The following VOPP1 variants were observed in gnomAD, a reference collection of about 807,000 sequenced individuals.
The protein encoded by VOPP1 is VOPP1 WW domain binding protein, also known as WW domain binding protein VOPP1.
In VOPP1, 8 loss-of-function variants were observed where a neutral mutation model predicts 23.5. That is an observed-to-expected ratio of 0.34 (90% CI 0.20 to 0.61). VOPP1 has a LOEUF of 0.61. Ranked by LOEUF, VOPP1 falls within the 20% of genes least tolerant of loss-of-function variation. The probability of loss-of-function intolerance (pLI) is 0.78; values close to 1 mark genes in which losing one functional copy is unlikely to be tolerated. For synonymous variants in VOPP1, 83 were observed against 97.3 expected (o/e 0.85, Z 0.86); for missense variants, 174 against 238.1 (o/e 0.73, Z 1.77).
intron 1 of VOPP1, among the ~76,000 whole-genome samples, chr7:55,570,524 G>T (rs1007412750): frequency 6.6e-6 from 1 of 152,156 alleles, no homozygotes; most frequent in East Asian, 1.9e-4. Flanking sequence ...GGAAAGAATG[G>T]AGTCACTGAG....
At chr7:55,528,518 GTAC>G (rs996619024) in intron 1 of VOPP1, among the ~76,000 whole-genome samples, 6 of 152,068 alleles carry the variant, frequency 3.9e-5, no homozygotes, top group African/African-American at 1.2e-4. Context: ...AACCCCATCT[GTAC>G]TAAAAATACA....
intron 2 of VOPP1, among the ~76,000 whole-genome samples, chr7:55,503,123 G>A (rs748303932): frequency 9.2e-5 from 14 of 152,178 alleles, no homozygotes; most frequent in Non-Finnish European, 1.6e-4. Context: ...TCAGAGAATG[G>A]GTAGTCCACT....
At chr7:55,561,786 G>T in intron 1 of VOPP1, 9 of 484,030 alleles carry the variant, frequency 1.9e-5, no homozygotes, top group East Asian at 7.1e-5. Context: ...TACAGTATCT[G>T]AGCTCAGAGC....
Position 55,527,499 on chromosome 7 carries a change from A to T in VOPP1, c.55-6369T>A, listed in dbSNP as rs1400885801. 2.6e-5 allele frequency among the ~76,000 whole-genome samples: 4 copies of T among 152,200 alleles called. No individual in the cohort carries two copies. The East Asian group carries it at 7.7e-4, about 29-fold the overall frequency. On this transcript the variant is annotated intron_variant, in intron 1 of 4. Transcript: ENST00000285279. ...GGCTGTAAACCTTAAACGAAGCCCAACCACAGATCCCCAGGGAAATTCTGT... is the reference window on the plus strand; with the variant it reads ...GGCTGTAAACCTTAAACGAAGCCCATCCACAGATCCCCAGGGAAATTCTGT...
chr7:55,472,930 A>G lies in VOPP1; in HGVS notation c.444T>C (p.Ser148=), dbSNP rs1433098387. The change falls in exon 5 of 5, where the codon AGT becomes AGC. Residue 148 remains serine, a synonymous_variant. Transcript: ENST00000285279. ...FQVPPNSPQG[S]VACPPPPAYC... is the part of the protein sequence containing the mutation. ...AGGCTGGAGGGGGCGGGCAGGCCACACTCCCCTGGGGTGAGTTGGGTGGGA... is the reference window on the plus strand; with the variant it reads ...AGGCTGGAGGGGGCGGGCAGGCCACGCTCCCCTGGGGTGAGTTGGGTGGGA... The G allele has an allele frequency of 6.4e-7, 1 of 1,554,636 alleles. No homozygotes were observed. The highest frequency in any genetic ancestry group is 1.4e-5 in the African/African-American group (1 of 70,680).
At chr7:55,549,846 T>A (rs1394792831) in intron 1 of VOPP1, among the ~76,000 whole-genome samples, 1 of 152,206 alleles carries the variant, frequency 6.6e-6, no homozygotes, top group African/African-American at 2.4e-5. Flanking sequence ...TCTCACATAT[T>A]AAAATGCCAT....
intron 2 of VOPP1, among the ~76,000 whole-genome samples, chr7:55,505,705 A>AGGGAG (rs1794680056): frequency 7.2e-6 from 1 of 139,708 alleles, no homozygotes; most frequent in African/African-American, 2.9e-5. Flanking sequence ...GAGGGAGGGA[A>AGGGAG]GGAACTTGTA....
At chr7:55,445,889 A>C (rs996901216) in intron 4 of VOPP1, among the ~76,000 whole-genome samples, 7 of 152,166 alleles carry the variant, frequency 4.6e-5, no homozygotes, top group African/African-American at 1.7e-4. Context: ...CAGTGTTCAC[A>C]TGTAGCTAGT....
At chr7:55,557,660 A>G (rs1168754084) in intron 1 of VOPP1, among the ~76,000 whole-genome samples, 1 of 152,214 alleles carries the variant, frequency 6.6e-6, no homozygotes, top group Non-Finnish European at 1.5e-5. Context: ...GGAAGGGGCC[A>G]AGTAACTCTG....
downstream of VOPP1, among the ~76,000 whole-genome samples, chr7:55,435,297 A>C (rs1322510147): frequency 2.0e-5 from 3 of 152,204 alleles, no homozygotes. Context: ...GTGAAGTTTC[A>C]GGCTGGGGGG....
At chr7:55,560,103 A>C (rs1797936835) in intron 1 of VOPP1, among the ~76,000 whole-genome samples, 2 of 152,244 alleles carry the variant, frequency 1.3e-5, no homozygotes, top group African/African-American at 4.8e-5. Flanking sequence ...TAGTGAGCCA[A>C]GATCATGCCA....
intron 1 of VOPP1, among the ~76,000 whole-genome samples, chr7:55,525,783 CCTCT>C: frequency 3.8e-5 from 1 of 26,436 alleles, no homozygotes; most frequent in East Asian, 1.3e-3. Flanking sequence ...AAGGAAAAAA[CCTCT>C]CTAAAAAAAA....
At chr7:55,514,651 T>G (rs1360475192) in intron 2 of VOPP1, among the ~76,000 whole-genome samples, 2 of 152,026 alleles carry the variant, frequency 1.3e-5, no homozygotes, top group African/African-American at 4.8e-5. Flanking sequence ...TCAGCAACAG[T>G]AAGTCCAGGG....
At chr7:55,569,207 G>A (rs971432421) in intron 1 of VOPP1, among the ~76,000 whole-genome samples, 1 of 152,164 alleles carries the variant, frequency 6.6e-6, no homozygotes, top group African/African-American at 2.4e-5. Flanking sequence ...GTCAGCTGCT[G>A]CCGGTTCCTC....
At chr7:55,527,769 G>A (rs1796273756) in intron 1 of VOPP1, among the ~76,000 whole-genome samples, 1 of 151,878 alleles carries the variant, frequency 6.6e-6, no homozygotes, top group Non-Finnish European at 1.5e-5. Flanking sequence ...ATTCCAACAG[G>A]AAAAATAAAG....
intron 2 of VOPP1, among the ~76,000 whole-genome samples, chr7:55,520,119 T>C (rs1472649476): frequency 6.6e-6 from 1 of 152,044 alleles, no homozygotes; most frequent in East Asian, 1.9e-4. Context: ...ACAGCAGGAC[T>C]CCACCTCAAA....
chr7:55,566,331 C>T (rs918547929), intron 1 of VOPP1, among the ~76,000 whole-genome samples: 13 of 152,032 alleles, frequency 8.6e-5, no homozygotes, highest in African/African-American at 3.1e-4. Flanking sequence ...CCAAAATGGA[C>T]TCATCATTCT....
At chr7:55,562,398 A>C (rs1201043266) in intron 1 of VOPP1, among the ~76,000 whole-genome samples, 1 of 152,206 alleles carries the variant, frequency 6.6e-6, no homozygotes, top group Non-Finnish European at 1.5e-5. Context: ...GTCCAGAACT[A>C]AAAAACTCTC....
At chr7:55,518,046 C>T (rs1459660744) in intron 2 of VOPP1, among the ~76,000 whole-genome samples, 1 of 152,182 alleles carries the variant, frequency 6.6e-6, no homozygotes, top group Non-Finnish European at 1.5e-5. Flanking sequence ...GTCTATAGCA[C>T]TAATCTCATG....
Sources: allele counts gnomAD v4.1 joint callset (sites outside exome capture counted in the v4.1 genomes callset), GRCh38; gene constraint gnomAD v4.1.1; transcripts MANE v1.5; gene names NCBI Gene and HGNC (gene_info 2026-07-23, HGNC 2026-07-21).